The following MPV17 variants were observed in gnomAD, a reference collection of about 807,000 sequenced individuals.
MPV17 encodes mitochondrial inner membrane protein MPV17, also known as MPV17, mitochondrial inner membrane protein.
Under a neutral mutation model 28.6 loss-of-function variants are expected in MPV17, and 31 were observed. The observed-to-expected ratio is 1.08, with a 90% confidence interval of 0.81 to 1.46. The LOEUF (loss-of-function observed/expected upper bound fraction) is 1.46, where lower values mean the gene tolerates loss of function less well. MPV17 is among the 40% of genes most tolerant of loss of function. The pLI, the probability that MPV17 is intolerant of heterozygous loss-of-function variation, is 0.00. For synonymous variants in MPV17, 87 were observed against 85.3 expected (o/e 1.02, Z -0.11); for missense variants, 198 against 216.2 (o/e 0.92, Z 0.53).
intron 5 of MPV17, 47 bp from the exon 6 acceptor site, chr2:27,312,293 G>T: frequency 6.3e-7 from 1 of 1,596,698 alleles, no homozygotes; most frequent in Non-Finnish European, 8.6e-7. Flanking sequence ...CCTCCAAGCA[G>T]CTCCCACTTC....
chr2:27,316,289 C>T, intron 2 of MPV17: 2 of 1,353,902 alleles, frequency 1.5e-6, no homozygotes, highest in Non-Finnish European at 2.0e-6. Flanking sequence ...AAGTCCCTGA[C>T]TTCTAGCCCC....
At chr2:27,322,319 G>A in intron 2 of MPV17, 129 bp downstream of exon 2, 1 of 857,422 alleles carries the variant, frequency 1.2e-6, no homozygotes, top group Non-Finnish European at 2.0e-6. Flanking sequence ...GGACAGTGTA[G>A]GATGAAAGAC....
chr2:27,310,994 C>T (rs1381806373), intron 7 of MPV17: 1 of 149,950 alleles, frequency 6.7e-6, no homozygotes, highest in Non-Finnish European at 1.5e-5. Context: ...CCACCTGCCT[C>T]AGCCTCCCAA....
At chr2:27,315,991 G>A (rs1679635866) in intron 2 of MPV17, 2 of 1,523,012 alleles carry the variant, frequency 1.3e-6, no homozygotes, top group Admixed American at 2.1e-5. Context: ...GGGCTGAGAT[G>A]GGCTCAGAGG....
Position 27,312,753 on chromosome 2 carries a change from C to T in MPV17, c.206G>A (p.Trp69Ter), listed in dbSNP as rs267607261. 4.3e-6 allele frequency: 7 copies of T among 1,614,138 alleles called. No individual in the cohort carries two copies. The highest frequency in any genetic ancestry group is 5.9e-6 in the Non-Finnish European group (7 of 1,180,046). Reference protein sequence around the residue: ...CGFVGPVVGGWYKVLDRFIPG... With the variant: ...CGFVGPVVGG ...GATGAACCGATCCAAAACCTTGTAC[C>T]AGCCTCCTACCACAGGGCCCTGGAA... Residue 69 changes from tryptophan (W) to a stop codon, truncating the protein, a stop_gained, in exon 4 of 8, where the codon TGG becomes TAG. Coordinates refer to ENST00000380044, the MANE Select transcript of MPV17 (RefSeq NM_002437.5). LOFTEE classifies it high-confidence loss of function.
intron 2 of MPV17, among the ~76,000 whole-genome samples, chr2:27,318,645 C>A (rs983369598): frequency 6.6e-6 from 1 of 151,910 alleles, no homozygotes; most frequent in Non-Finnish European, 1.5e-5. Context: ...CCATACCCAG[C>A]CTGGGGTAAG....
chr2:27,320,711 G>A lies in MPV17; in HGVS notation c.70+1737C>T, dbSNP rs147316130. Among the ~76,000 whole-genome samples, 4 of 152,260 alleles carry A rather than the reference G, an allele frequency of 2.6e-5. No homozygotes were observed. In the East Asian group the frequency reaches 7.7e-4, roughly 29 times the overall value. On this transcript the variant is annotated intron_variant, in intron 2 of 7. Transcript: ENST00000380044. ...TTGTCCTGATTAATGCACCTACTAGGTGCTATGGTTTTAAGATTCAAATCC... is the reference window on the plus strand; with the variant it reads ...TTGTCCTGATTAATGCACCTACTAGATGCTATGGTTTTAAGATTCAAATCC...
intron 7 of MPV17, among the ~76,000 whole-genome samples, chr2:27,310,648 T>C (rs1307436953): frequency 1.3e-5 from 2 of 152,236 alleles, no homozygotes; most frequent in African/African-American, 4.8e-5. Flanking sequence ...TAAAGTAGCA[T>C]CTTTCTGTTT....
chr2:27,312,182 G>A, intron 6 of MPV17, 32 bp downstream of exon 6: 2 of 1,610,246 alleles, frequency 1.2e-6, no homozygotes, highest in Non-Finnish European at 8.5e-7. Context: ...TAAGGAAGCA[G>A]GAGAACAAGC....
chr2:27,310,628 G>A (rs1679397170), intron 7 of MPV17, among the ~76,000 whole-genome samples: 1 of 152,256 alleles, frequency 6.6e-6, no homozygotes, highest in African/African-American at 2.4e-5. Context: ...GAAATGTACG[G>A]ACTATCATAT....
chr2:27,312,530 T>C lies in MPV17; in HGVS notation c.339A>G (p.Gly113=), dbSNP rs1679489645. ...TGGCCCAGTTGTCCTGGGCTGACAG[T>C]CCATTAAGTGCCCCTACCAGTGGGA... The part of the protein sequence containing the change: ...CFLPLVGALN[G]LSAQDNWAKL... The change falls in exon 5 of 8, where the codon GGA becomes GGG. Residue 113 remains glycine, a synonymous_variant. Transcript: ENST00000380044. The C allele has an allele frequency of 1.2e-6, 2 of 1,614,024 alleles. No individual in the cohort carries two copies. Among genetic ancestry groups the C allele is most frequent in the Admixed American group, 1.7e-5 (1 of 60,002 alleles).
intron 1 of MPV17, 24 bp from the exon 2 acceptor site, chr2:27,322,546 G>A (rs763665876): frequency 1.2e-6 from 2 of 1,604,272 alleles, no homozygotes; most frequent in Admixed American, 1.7e-5. Flanking sequence ...AGGAGAGGGG[G>A]TCACCCCCAC....
intron 2 of MPV17, chr2:27,316,224 C>T: frequency 6.5e-7 from 1 of 1,550,000 alleles, no homozygotes; most frequent in Non-Finnish European, 8.7e-7. Flanking sequence ...TTTCACTCTT[C>T]ATGACTTGCC....
rs1194528398 is a variant in MPV17, at chr2:27,309,848, T to C, written c.*64A>G. 3 of 1,410,718 alleles carry C rather than the reference T, an allele frequency of 2.1e-6. No homozygotes were observed. Among genetic ancestry groups the C allele is most frequent in the Admixed American group, 1.7e-5 (1 of 58,698 alleles). The allele number at this position is 1,410,718 out of a possible 1,614,324, so 87.4% of individuals were successfully genotyped here. On this transcript the variant is annotated 3_prime_UTR_variant, in exon 8 of 8. Transcript: ENST00000380044. ...AACTGGTATGCCCACTTTGAGGAGG[T>C]TGTCTGACCGTTCCAGGGTCAAGCT...
At position 27,309,580 on chromosome 2, in the gene MPV17, T is replaced by C. The variant is rs1679347996; in HGVS notation, c.*332A>G. ...TAAAGAGCTGGAGCTACAAGAAGCC[T>C]AGGCAGGGTTAGAGTAACAAATGTG... On this transcript the variant is annotated 3_prime_UTR_variant, in exon 8 of 8. Coordinates refer to ENST00000380044, the MANE Select transcript of MPV17 (RefSeq NM_002437.5). 1.8e-6 allele frequency: 1 copy of C among 544,064 alleles called. No individual in the cohort carries two copies. The highest frequency in any genetic ancestry group is 1.9e-5 in the African/African-American group (1 of 53,036). 33.7% of individuals were successfully genotyped at this position (544,064 alleles called of 1,614,324 possible).
chr2:27,315,951 G>A (rs1679634808), intron 2 of MPV17: 1 of 1,466,610 alleles, frequency 6.8e-7, no homozygotes, highest in African/African-American at 1.4e-5. Context: ...CTCTCAAGGA[G>A]GACCAAGGAG....
At chr2:27,316,009 C>G (rs938518250) in intron 2 of MPV17, 1 of 1,541,030 alleles carries the variant, frequency 6.5e-7, no homozygotes, top group African/African-American at 1.4e-5. Context: ...AGGTCAGTGG[C>G]ACCAGGAGGC....
chr2:27,318,254 G>A lies in MPV17; in HGVS notation c.70+4194C>T, dbSNP rs536922230. On this transcript the variant is annotated intron_variant, in intron 2 of 7. Transcript: ENST00000380044. ...CAGCTAATTTTGTATTTTTAGCAGA[G>A]ATGGGGTTTCACCTTGTTGGTCAGC... is the stretch of plus-strand genomic sequence containing the variant. Among the ~76,000 whole-genome samples, 19 of 151,654 alleles carry A rather than the reference G, an allele frequency of 1.3e-4. No individual in the cohort carries two copies. The South Asian group carries it at 4.0e-3, about 32-fold the overall frequency.
At chr2:27,318,163 G>C (rs1572550202) in intron 2 of MPV17, among the ~76,000 whole-genome samples, 1 of 151,598 alleles carries the variant, frequency 6.6e-6, no homozygotes, top group East Asian at 1.9e-4. Context: ...CTGCCTCACA[G>C]GTTCAAGCAA....
Sources: gnomAD v4.1 joint callset for allele counts (sites outside exome capture counted in the v4.1 genomes callset) on GRCh38, gnomAD v4.1.1 for gene constraint, MANE v1.5 for transcripts, NCBI Gene and HGNC (gene_info 2026-07-23, HGNC 2026-07-21) for gene names.